The following C3 variants were observed in gnomAD, a reference collection of about 807,000 sequenced individuals.
C3 encodes the protein complement C3.
In C3, 97 loss-of-function variants were observed where a neutral mutation model predicts 207.9. That is an observed-to-expected ratio of 0.47 (90% CI 0.40 to 0.55). The LOEUF is 0.55. C3 is among the 20% of genes least tolerant of loss of function. C3 has a pLI of 0.00. For missense variants in C3, 1,684 were observed against 2,171.7 expected (o/e 0.78, Z 4.46); for synonymous variants, 848 against 857.6 (o/e 0.99, Z 0.20).
chr19:6,709,611 TCCC>T, intron 14 of C3, 70 bp downstream of exon 14: 10 of 1,109,438 alleles, frequency 9.0e-6, no homozygotes, highest in African/African-American at 1.5e-5. Context: ...CCCTCTCCAG[TCCC>T]ACCCACCTCC....
chr19:6,691,398 A>G (rs1918164969), intron 26 of C3, among the ~76,000 whole-genome samples: 1 of 152,208 alleles, frequency 6.6e-6, no homozygotes, highest in South Asian at 2.1e-4. Flanking sequence ...CAAGGGAAAG[A>G]GGACATCGCA....
intron 17 of C3, among the ~76,000 whole-genome samples, chr19:6,706,681 C>G (rs1369056747): frequency 7.0e-6 from 1 of 143,746 alleles, no homozygotes; most frequent in Admixed American, 6.8e-5. Context: ...GACTCCTCCC[C>G]CCGAGACAGA....
intron 4 of C3, among the ~76,000 whole-genome samples, chr19:6,715,753 C>G (rs896770825): frequency 1.3e-5 from 2 of 151,458 alleles, no homozygotes; most frequent in African/African-American, 4.9e-5. Context: ...TCTCGAGTAG[C>G]TGGGACTACA....
In C3 at chr19:6,719,820, C is replaced by T. The variant is rs566234845; in HGVS notation, c.75-417G>A. ...CCAAATATGTAAACACTCAAACTCCCGGACACCCTCAACTCTACCTACCCA... is the reference window on the plus strand; with the variant it reads ...CCAAATATGTAAACACTCAAACTCCTGGACACCCTCAACTCTACCTACCCA... On this transcript the variant is annotated intron_variant, in intron 1 of 40. Transcript: ENST00000245907. The surrounding 1 kb of genome is among the most constrained non-coding windows in gnomAD (Gnocchi z 5.4). Among the ~76,000 whole-genome samples, 16 of 152,192 alleles carry T rather than the reference C, an allele frequency of 1.1e-4. No homozygotes were observed. The highest frequency in any genetic ancestry group is 2.1e-4 in the South Asian group (1 of 4,818).
intron 18 of C3, 107 bp from the exon 19 acceptor site, chr19:6,702,319 G>T (rs912395957): frequency 6.2e-5 from 59 of 955,164 alleles, no homozygotes; most frequent in Admixed American, 9.1e-5. Context: ...AGGGTCTGGG[G>T]GTGCCTCCAT....
chr19:6,693,617 A>C, intron 24 of C3, 130 bp from the exon 25 acceptor site: 1 of 791,384 alleles, frequency 1.3e-6, no homozygotes, highest in Non-Finnish European at 2.1e-6. Context: ...GGAGGAGGGG[A>C]CCTTAAAAAG....
At chr19:6,713,930 CCACCTGGTCTT>C in intron 7 of C3, 51 bp downstream of exon 7, 1 of 1,079,910 alleles carries the variant, frequency 9.3e-7, no homozygotes, top group East Asian at 2.6e-5. Flanking sequence ...CCCCAGTCCC[CCACCTGGTCTT>C]CACCTGGTCC....
At chr19:6,713,918 A>AC (rs1251911206) in intron 7 of C3, 74 bp downstream of exon 7, 2 of 561,142 alleles carry the variant, frequency 3.6e-6, no homozygotes, top group Non-Finnish European at 2.8e-6. Flanking sequence ...ACCTGACTCC[A>AC]CCCCCAGTCC....
chr19:6,706,227 A>T (rs558080685), intron 17 of C3, among the ~76,000 whole-genome samples: 1 of 152,258 alleles, frequency 6.6e-6, no homozygotes, highest in Admixed American at 6.5e-5. Flanking sequence ...ATCTTTCTAG[A>T]CTTTTCCCTC....
chr19:6,720,199 T>A (rs931709668), intron 1 of C3, among the ~76,000 whole-genome samples: 1 of 149,140 alleles, frequency 6.7e-6, no homozygotes. Context: ...ACCCAAACTC[T>A]CAGGCAGCCC....
At chr19:6,678,098 T>G (rs1341036900) in intron 40 of C3, 54 bp downstream of exon 40, 1 of 1,613,622 alleles carries the variant, frequency 6.2e-7, no homozygotes, top group Non-Finnish European at 8.5e-7. Context: ...GGTGTGGGCG[T>G]GGCATGGGCG....
At chr19:6,714,141 T>C in intron 6 of C3, 25 bp downstream of exon 6, 1 of 1,604,380 alleles carries the variant, frequency 6.2e-7, no homozygotes, top group Non-Finnish European at 8.5e-7. Flanking sequence ...GGGCACTGAC[T>C]CCCCCCAGCC....
chr19:6,717,583 GTGTGTGT>G (rs781745260), intron 4 of C3: 74 of 248,624 alleles, frequency 3.0e-4, no homozygotes, highest in Non-Finnish European at 1.4e-4. Context: ...TGTGTGTGTT[GTGTGTGT>G]TGTGTGTTGT....
chr19:6,683,672 C>T (rs1009681478), intron 33 of C3, among the ~76,000 whole-genome samples: 6 of 152,038 alleles, frequency 3.9e-5, no homozygotes, highest in South Asian at 2.1e-4. Context: ...AGGATGGTCT[C>T]GATCTCCTGA....
chr19:6,707,389 C>G, intron 16 of C3, 77 bp downstream of exon 16: 1 of 1,601,492 alleles, frequency 6.2e-7, no homozygotes, highest in South Asian at 1.1e-5. Flanking sequence ...CCTCCTCCCT[C>G]TCTGGCTCCT....
At chr19:6,706,639 C>T (rs1967779228) in intron 17 of C3, among the ~76,000 whole-genome samples, 2 of 149,726 alleles carry the variant, frequency 1.3e-5, no homozygotes, top group Non-Finnish European at 1.5e-5. Flanking sequence ...CCTCCCCCCT[C>T]AGACAGAGGC....
Position 6,718,237 on chromosome 19 carries a change from C to A in C3, c.433+10G>T, listed in dbSNP as rs1477537437. 3.7e-6 allele frequency: 6 copies of A among 1,614,190 alleles called. No homozygotes were observed. In the South Asian group the frequency reaches 6.6e-5, roughly 18 times the overall value. On this transcript the variant is annotated intron_variant, in intron 3 of 40. Coordinates refer to ENST00000245907, the MANE Select transcript of C3 (RefSeq NM_000064.4). ...GGTGCCCCGCCCTCTCCAGCCGCCC[C>A]CAGCCTCACCTGTGGAGCCAGGGGT...
chr19:6,712,574 A>G lies in C3; in HGVS notation c.1053T>C (p.Ser351=), dbSNP rs780426157. The G allele has an allele frequency of 3.7e-5, 60 of 1,614,080 alleles. No individual in the cohort carries two copies. Among genetic ancestry groups the G allele is most frequent in the Non-Finnish European group, 5.1e-5 (60 of 1,179,970 alleles). ...TCTTGGTGAAGTGGATCTGGTAGGG[A>G]GAGGTCACGATGGGGATCCCGCTGC... is the stretch of plus-strand genomic sequence containing the variant. ...AERSGIPIVT[S]PYQIHFTKTP... is the part of the protein sequence containing the mutation. Residue 351 remains serine (S), a synonymous_variant, in exon 10 of 41, where the codon TCT becomes TCC. Coordinates refer to ENST00000245907, the MANE Select transcript of C3 (RefSeq NM_000064.4).
At chr19:6,685,915 C>A (rs1171915538) in intron 29 of C3, among the ~76,000 whole-genome samples, 1 of 152,190 alleles carries the variant, frequency 6.6e-6, no homozygotes, top group African/African-American at 2.4e-5. Context: ...GAAGAAGGCT[C>A]AACACACAGC....
Sources: gnomAD v4.1 joint callset for allele counts (sites outside exome capture counted in the v4.1 genomes callset) on GRCh38, gnomAD v4.1.1 for gene constraint, Gnocchi (gnomAD v3.1) non-coding constraint, MANE v1.5 for transcripts, NCBI Gene and HGNC (gene_info 2026-07-23, HGNC 2026-07-21) for gene names.